Variants in NDUFAF2 observed in about 807,000 individuals in gnomAD.
NDUFAF2 encodes the protein NADH:ubiquinone oxidoreductase complex assembly factor 2.
A neutral mutation model predicts 22.8 loss-of-function variants in NDUFAF2; 13 were observed. The observed-to-expected ratio is 0.57, with a 90% CI of 0.37 to 0.91. The LOEUF (loss-of-function observed/expected upper bound fraction) is 0.91, where lower values mean the gene tolerates loss of function less well. Ranked by LOEUF, NDUFAF2 falls within the 40% of genes least tolerant of loss-of-function variation. NDUFAF2 has a pLI of 0.01. For missense variants in NDUFAF2, 162 were observed against 195.2 expected, an observed-to-expected ratio of 0.83 and a Z score of 1.01; for synonymous variants, 53 against 64.2, an observed-to-expected ratio of 0.83 and a Z score of 0.84.
At chr5:60,963,972 A>G (rs549467591) in intron 1 of NDUFAF2, among the ~76,000 whole-genome samples, 1 of 152,314 alleles carries the variant, frequency 6.6e-6, no homozygotes, top group Non-Finnish European at 1.5e-5. Flanking sequence ...TTTTGCTTTC[A>G]CTGTGAATAA....
intron 1 of NDUFAF2, among the ~76,000 whole-genome samples, chr5:60,947,493 C>T (rs1285915859): frequency 1.3e-5 from 2 of 152,014 alleles, no homozygotes; most frequent in African/African-American, 2.4e-5. Flanking sequence ...TGGCTGGGTC[C>T]GGTGGCTCAT....
At chr5:61,113,287 A>G (rs1301560606) in intron 3 of NDUFAF2, among the ~76,000 whole-genome samples, 6 of 152,198 alleles carry the variant, frequency 3.9e-5, no homozygotes, top group African/African-American at 1.2e-4. Context: ...GCTCATTAAC[A>G]TGCTTTTCTT....
chr5:61,040,313 G>T (rs1554080888), intron 1 of NDUFAF2, among the ~76,000 whole-genome samples: 1 of 146,498 alleles, frequency 6.8e-6, no homozygotes, highest in South Asian at 2.1e-4. Context: ...AAAGTTGAAA[G>T]CAGAGATTGG....
At chr5:61,094,987 T>C (rs1752620264) in intron 2 of NDUFAF2, among the ~76,000 whole-genome samples, 1 of 152,204 alleles carries the variant, frequency 6.6e-6, no homozygotes, top group Non-Finnish European at 1.5e-5. Flanking sequence ...TATGCTTTCA[T>C]AGAGCAGCTG....
At chr5:61,110,047 G>A (rs1752818901) in intron 3 of NDUFAF2, among the ~76,000 whole-genome samples, 2 of 152,218 alleles carry the variant, frequency 1.3e-5, no homozygotes, top group South Asian at 4.1e-4. Context: ...TTTATCAAAT[G>A]CTTTTCCAGC....
intron 1 of NDUFAF2, among the ~76,000 whole-genome samples, chr5:61,012,945 T>G (rs1751459512): frequency 6.6e-6 from 1 of 152,132 alleles, no homozygotes; most frequent in African/African-American, 2.4e-5. Context: ...TTGAAAATTG[T>G]AACAATAATT....
chr5:61,005,608 T>G (rs895556869), intron 1 of NDUFAF2, among the ~76,000 whole-genome samples: 24 of 152,246 alleles, frequency 1.6e-4, no homozygotes, highest in African/African-American at 5.3e-4. Flanking sequence ...TGTTGTTTCC[T>G]GATTTTTTAA....
chr5:60,954,919 T>C (rs769832065), intron 1 of NDUFAF2, among the ~76,000 whole-genome samples: 4 of 152,222 alleles, frequency 2.6e-5, no homozygotes, highest in Non-Finnish European at 4.4e-5. Context: ...TTGCCCATTT[T>C]AAAATCAATT....
At chr5:61,150,321 GTACCAGT>G (rs1741212062) in intron 3 of NDUFAF2, among the ~76,000 whole-genome samples, 1 of 151,910 alleles carries the variant, frequency 6.6e-6, no homozygotes, top group African/African-American at 2.4e-5. Context: ...TATGTTTTTG[GTACCAGT>G]TTTGTTTTTT....
At chr5:61,055,816 A>G (rs910063745) in intron 1 of NDUFAF2, among the ~76,000 whole-genome samples, 1 of 152,232 alleles carries the variant, frequency 6.6e-6, no homozygotes, top group African/African-American at 2.4e-5. Flanking sequence ...ATTTCCATGT[A>G]AAAATTAAAC....
At chr5:61,124,081 T>A (rs1753006725) in intron 3 of NDUFAF2, among the ~76,000 whole-genome samples, 1 of 152,202 alleles carries the variant, frequency 6.6e-6, no homozygotes, top group South Asian at 2.1e-4. Context: ...TTTTCTTTAA[T>A]CAGAACAATA....
chr5:61,047,631 G>C (rs1751969967), intron 1 of NDUFAF2, among the ~76,000 whole-genome samples: 1 of 151,840 alleles, frequency 6.6e-6, no homozygotes, highest in South Asian at 2.1e-4. Context: ...TCTTCTTTCT[G>C]ATGTTTCATG....
chr5:61,088,589 A>G (rs1390430910), intron 2 of NDUFAF2, among the ~76,000 whole-genome samples: 1 of 152,148 alleles, frequency 6.6e-6, no homozygotes, highest in Admixed American at 6.6e-5. Context: ...GGCTCACAGT[A>G]TTTTGTAAAT....
At chr5:60,985,672 C>G (rs904222764) in intron 1 of NDUFAF2, among the ~76,000 whole-genome samples, 42 of 152,276 alleles carry the variant, frequency 2.8e-4, no homozygotes, top group African/African-American at 9.4e-4. Context: ...CATTCAGGAG[C>G]AGGTTGTTCA....
intron 2 of NDUFAF2, among the ~76,000 whole-genome samples, chr5:61,085,985 T>G (rs189762431): frequency 3.9e-5 from 6 of 152,046 alleles, no homozygotes; most frequent in Admixed American, 3.9e-4. Context: ...TGTGGTGGTG[T>G]GCACCTGTAG....
chr5:61,081,197 G>A (rs1262841546), intron 2 of NDUFAF2, among the ~76,000 whole-genome samples: 1 of 152,032 alleles, frequency 6.6e-6, no homozygotes, highest in Non-Finnish European at 1.5e-5. Flanking sequence ...CTTTTTGCTA[G>A]TGCTGATTGT....
chr5:61,005,581 A>G (rs1751355743), intron 1 of NDUFAF2, among the ~76,000 whole-genome samples: 1 of 152,138 alleles, frequency 6.6e-6, no homozygotes, highest in Admixed American at 6.5e-5. Flanking sequence ...CTATTTCTCC[A>G]CATCCTCTGC....
At chr5:61,065,801 C>T (rs1264210875) in intron 1 of NDUFAF2, among the ~76,000 whole-genome samples, 1 of 151,964 alleles carries the variant, frequency 6.6e-6, no homozygotes, top group African/African-American at 2.4e-5. Flanking sequence ...AGGACATGCA[C>T]TCCTGCCACT....
chr5:61,143,982 G>T (rs1269903837), intron 3 of NDUFAF2, among the ~76,000 whole-genome samples: 1 of 150,760 alleles, frequency 6.6e-6, no homozygotes, highest in East Asian at 1.9e-4. Context: ...GTGTGTGTGT[G>T]TGTGTGTGTG....
Sources: gnomAD v4.1 joint callset for allele counts (sites outside exome capture counted in the v4.1 genomes callset) on GRCh38, gnomAD v4.1.1 for gene constraint, MANE v1.5 for transcripts, NCBI Gene and HGNC (gene_info 2026-07-23, HGNC 2026-07-21) for gene names.